Variants in DCAF13 observed in about 807,000 individuals in gnomAD.
The protein encoded by DCAF13 is DDB1 and CUL4 associated factor 13.
Under a neutral mutation model 59.0 loss-of-function variants are expected in DCAF13, and 38 were observed. That is an observed-to-expected ratio of 0.64 (90% CI 0.50 to 0.84). DCAF13 has a LOEUF of 0.84. DCAF13 is among the 40% of genes least tolerant of loss of function. DCAF13 has a pLI of 0.00. For synonymous variants in DCAF13, 173 were observed against 175.0 expected (o/e 0.99, Z 0.09); for missense variants, 469 against 558.4 (o/e 0.84, Z 1.61).
chr8:103,422,864 G>C (rs994424461), intron 3 of DCAF13, among the ~76,000 whole-genome samples: 3 of 152,188 alleles, frequency 2.0e-5, no homozygotes, highest in Admixed American at 2.0e-4. Flanking sequence ...ATAATAAAGG[G>C]AAAAGATGAC....
intron 10 of DCAF13, 163 bp downstream of exon 10, chr8:103,441,781 C>CA: frequency 2.0e-6 from 1 of 511,092 alleles, no homozygotes; most frequent in Non-Finnish European, 3.2e-6. Context: ...TTTCTTTTTT[C>CA]TTTTTTTTTT....
rs201914563 is a variant in DCAF13 at position 103,427,198 on chromosome 8, T to C, written c.570T>C (p.Cys190=). Residue 190 remains cysteine, a synonymous_variant, in exon 5 of 11, where the codon TGT becomes TGC. Coordinates refer to ENST00000612750, the MANE Select transcript of DCAF13 (RefSeq NM_015420.7). ...ATGAACAAAGAACTAATCCTATATG[T>C]TCAATGACCTGGGGATTTGACAGTA... ...IWDEQRTNPI[C]SMTWGFDSIS... 4 of 1,613,738 alleles carry C rather than the reference T, an allele frequency of 2.5e-6. No homozygotes were observed. The highest frequency in any genetic ancestry group is 3.4e-6 in the Non-Finnish European group (4 of 1,179,730).
At chr8:103,428,740 A>G (rs1816825186) in intron 5 of DCAF13, 1 of 152,068 alleles carries the variant, frequency 6.6e-6, no homozygotes, top group Non-Finnish European at 1.5e-5. Context: ...CTAAACAGAC[A>G]CTGGTTCTTA....
At chr8:103,418,900 T>G (rs1342301473) in intron 1 of DCAF13, among the ~76,000 whole-genome samples, 1 of 101,110 alleles carries the variant, frequency 9.9e-6, no homozygotes, top group Non-Finnish European at 2.0e-5. Context: ...TTTTTTTTTT[T>G]TGAGATGAAG....
Position 103,430,611 on chromosome 8 carries a change from G to C in DCAF13, c.625-1G>C. Reference sequence around the variant, plus strand: ...CTGGTGATTGTTATACTTGTTTTTAGACATTTCTCTTGGGAAGTTGTGCAT... The same window carrying C: ...CTGGTGATTGTTATACTTGTTTTTACACATTTCTCTTGGGAAGTTGTGCAT... On this transcript the variant is annotated splice_acceptor_variant, in intron 5 of 10. Transcript: ENST00000612750. LOFTEE classifies it high-confidence loss of function. 1 of 1,609,706 alleles carries C rather than the reference G, an allele frequency of 6.2e-7. No homozygotes were observed. Among genetic ancestry groups the C allele is most frequent in the Non-Finnish European group, 8.5e-7 (1 of 1,177,446 alleles).
chr8:103,424,138 T>G (rs1194201571), intron 3 of DCAF13, among the ~76,000 whole-genome samples: 2 of 151,966 alleles, frequency 1.3e-5, no homozygotes, highest in Non-Finnish European at 2.9e-5. Context: ...CTTGCCTCAG[T>G]CTCCCCAGTA....
intron 10 of DCAF13, chr8:103,442,044 G>T (rs1817019330): frequency 6.4e-6 from 1 of 156,134 alleles, no homozygotes; most frequent in Admixed American, 6.5e-5. Flanking sequence ...GATTACAGGT[G>T]TGAGCCACCA....
chr8:103,420,185 G>A, intron 1 of DCAF13, 79 bp from the exon 2 acceptor site: 5 of 1,288,954 alleles, frequency 3.9e-6, no homozygotes, highest in South Asian at 3.7e-5. Context: ...AATGCTTATT[G>A]AATAACAGAG....
chr8:103,435,939 A>G (rs1816926003), intron 8 of DCAF13, 149 bp downstream of exon 8: 2 of 755,124 alleles, frequency 2.6e-6, no homozygotes, highest in South Asian at 1.7e-5. Context: ...CGTGTTGCAC[A>G]CCTAGGCTGT....
Position 103,440,172 on chromosome 8 carries a change from C to T in DCAF13, c.987C>T (p.Ile329=). The T allele has an allele frequency of 1.2e-6, 2 of 1,602,164 alleles. No individual in the cohort carries two copies. The highest frequency in any genetic ancestry group is 1.7e-5 in the Admixed American group (1 of 57,586). ...VYHTKRMQHV[I]CVKWTSDSKY... is the part of the protein sequence containing the mutation. ...ATACAAAGAGAATGCAACATGTTAT[C>T]TGTGTAAAATGGACTTCTGACAGCA... Residue 329 remains isoleucine, a synonymous_variant, in exon 9 of 11, where the codon ATC becomes ATT. Transcript: ENST00000612750.
rs1330823966 is a variant in DCAF13 at position 103,432,655 on chromosome 8, T to G, written c.703-4T>G. The G allele has an allele frequency of 7.0e-6, 11 of 1,567,002 alleles. No individual in the cohort carries two copies. The highest frequency in any genetic ancestry group is 1.7e-4 in the Middle Eastern group (1 of 5,902). ...GGGAAATTCATCCATTCTTCCTTTC[T>G]CAGGTTATCTTAGATATGAGAACAA... On this transcript the variant is annotated splice_region_variant and splice_polypyrimidine_tract_variant and intron_variant, in intron 6 of 10. Transcript: ENST00000612750.
intron 3 of DCAF13, among the ~76,000 whole-genome samples, chr8:103,425,689 C>G (rs1361496891): frequency 1.3e-5 from 2 of 152,040 alleles, no homozygotes; most frequent in African/African-American, 2.4e-5. Flanking sequence ...ATTTTATTTT[C>G]ACATAAGGCA....
intron 1 of DCAF13, among the ~76,000 whole-genome samples, chr8:103,418,379 G>T (rs1339341090): frequency 6.6e-6 from 1 of 151,758 alleles, no homozygotes; most frequent in Non-Finnish European, 1.5e-5. Flanking sequence ...GATTAATGGG[G>T]CATGGTGGTG....
At chr8:103,435,497 A>ACAG in intron 7 of DCAF13, 129 bp from the exon 8 acceptor site, 1 of 678,822 alleles carries the variant, frequency 1.5e-6, no homozygotes, top group African/African-American at 1.9e-5. Context: ...CTGCTTGTGT[A>ACAG]CAGCATTGAG....
At chr8:103,427,063 G>GA (rs1280874933) in intron 4 of DCAF13, 34 bp from the exon 5 acceptor site, 7 of 1,530,780 alleles carry the variant, frequency 4.6e-6, no homozygotes, top group Admixed American at 2.2e-5. Context: ...AATTAGTAAT[G>GA]AAAAAAATCC....
intron 8 of DCAF13, among the ~76,000 whole-genome samples, chr8:103,438,421 ATTT>A (rs35866941): frequency 1.4e-5 from 2 of 140,724 alleles, no homozygotes; most frequent in African/African-American, 2.6e-5. Flanking sequence ...TAGTCGAGAG[ATTT>A]TTTTTTTTTT....
intron 4 of DCAF13, 31 bp downstream of exon 4, chr8:103,426,176 T>A (rs769256642): frequency 7.7e-7 from 1 of 1,292,038 alleles, no homozygotes; most frequent in Non-Finnish European, 1.1e-6. Context: ...ATAGCTTGCC[T>A]ATTAACATTC....
At chr8:103,439,314 C>T (rs1421223316) in intron 8 of DCAF13, among the ~76,000 whole-genome samples, 2 of 150,676 alleles carry the variant, frequency 1.3e-5, no homozygotes, top group African/African-American at 4.9e-5. Flanking sequence ...CTTACCTCAA[C>T]TTATCAGACA....
chr8:103,421,962 C>A (rs965470844), intron 3 of DCAF13, among the ~76,000 whole-genome samples: 2 of 152,144 alleles, frequency 1.3e-5, no homozygotes, highest in Admixed American at 1.3e-4. Flanking sequence ...CATTGAAAGT[C>A]TTTTTAAACA....
Sources: gnomAD v4.1 joint callset for allele counts (sites outside exome capture counted in the v4.1 genomes callset) on GRCh38, gnomAD v4.1.1 for gene constraint, MANE v1.5 for transcripts, NCBI Gene and HGNC (gene_info 2026-07-23, HGNC 2026-07-21) for gene names.